AGBL4: variants seen among roughly 807,000 people sequenced by gnomAD.
AGBL4 encodes AGBL carboxypeptidase 4, also known as cytosolic carboxypeptidase 6.
Under a neutral mutation model 66.4 loss-of-function variants are expected in AGBL4, and 58 were observed. The ratio of observed to expected loss-of-function variants is 0.87; its 90% CI spans 0.71 to 1.09. The LOEUF is 1.09. Ranked by LOEUF, AGBL4 falls within the 50% of genes least tolerant of loss-of-function variation. AGBL4 has a pLI of 0.00. For synonymous variants in AGBL4, 234 were observed against 222.9 expected (o/e 1.05, Z -0.44); for missense variants, 579 against 631.0 (o/e 0.92, Z 0.88).
chr1:49,823,756 A>C (rs1645430364), intron 2 of AGBL4, among the ~76,000 whole-genome samples: 1 of 147,402 alleles, frequency 6.8e-6, no homozygotes, highest in South Asian at 2.2e-4. Context: ...AGAAATTTCT[A>C]TTCTTCCATT....
intron 2 of AGBL4, chr1:49,844,655 A>G: frequency 6.4e-7 from 1 of 1,557,578 alleles, no homozygotes; most frequent in Non-Finnish European, 8.7e-7. Context: ...CCTGGAACAG[A>G]GATTAAGGGA....
chr1:49,515,328 CCA>C lies in AGBL4; in HGVS notation c.282+181983_282+181984del, dbSNP rs574147059. 4.3e-3 allele frequency among the ~76,000 whole-genome samples: 656 copies of C among 152,124 alleles called. 7 individuals carry two copies. Among genetic ancestry groups the C allele is most frequent in the African/African-American group, 0.015 (614 of 41,522 alleles). On this transcript the variant is annotated intron_variant, in intron 3 of 13. Coordinates refer to ENST00000371839, the MANE Select transcript of AGBL4 (RefSeq NM_032785.4). ...GCCATCACAGAAATGCAAATCAAAA[CCA>C]CAATGAGATATCATCTCACACTAGT... is the stretch of plus-strand genomic sequence containing the variant.
At chr1:49,165,883 T>A (rs1009298234) in intron 4 of AGBL4, among the ~76,000 whole-genome samples, 1 of 152,032 alleles carries the variant, frequency 6.6e-6, no homozygotes, top group Non-Finnish European at 1.5e-5. Context: ...TTAATAATAA[T>A]AAACTCCTGG....
At chr1:50,002,359 CTTTTTTTTT>C (rs372960346) in intron 1 of AGBL4, among the ~76,000 whole-genome samples, 8 of 96,054 alleles carry the variant, frequency 8.3e-5, no homozygotes, top group South Asian at 6.0e-4. Context: ...TGCCCTAGTT[CTTTTTTTTT>C]TTTTTTTTTT....
chr1:49,817,578 T>C (rs1193831928), intron 2 of AGBL4, among the ~76,000 whole-genome samples: 1 of 152,212 alleles, frequency 6.6e-6, no homozygotes, highest in East Asian at 1.9e-4. Context: ...TAAGTAATAT[T>C]AAGCTATACT....
chr1:49,570,793 C>A (rs1291183579), intron 3 of AGBL4, among the ~76,000 whole-genome samples: 1 of 151,922 alleles, frequency 6.6e-6, no homozygotes, highest in South Asian at 2.1e-4. Context: ...CAGGTTCATT[C>A]TTCTGTCTAT....
intron 1 of AGBL4, among the ~76,000 whole-genome samples, chr1:49,936,849 A>T (rs1017341022): frequency 9.9e-5 from 15 of 152,280 alleles, no homozygotes; most frequent in Middle Eastern, 3.4e-3. Context: ...GCACTAAACA[A>T]GGAAAGGAAC....
At chr1:49,841,240 C>T (rs1284840783) in intron 2 of AGBL4, among the ~76,000 whole-genome samples, 2 of 152,084 alleles carry the variant, frequency 1.3e-5, no homozygotes, top group African/African-American at 4.8e-5. Flanking sequence ...GAACACAATT[C>T]CATTTATTAT....
At chr1:49,493,239 T>A (rs1166589356) in intron 3 of AGBL4, among the ~76,000 whole-genome samples, 1 of 152,020 alleles carries the variant, frequency 6.6e-6, no homozygotes, top group Non-Finnish European at 1.5e-5. Flanking sequence ...ACTTTGTATA[T>A]GTTAATGCTT....
At chr1:49,746,959 A>G (rs1651033046) in intron 2 of AGBL4, among the ~76,000 whole-genome samples, 2 of 152,144 alleles carry the variant, frequency 1.3e-5, no homozygotes, top group African/African-American at 4.8e-5. Context: ...AGGAGCAAGC[A>G]CAATCCCCTG....
intron 6 of AGBL4, among the ~76,000 whole-genome samples, chr1:48,786,181 A>G (rs1645403249): frequency 6.6e-6 from 1 of 152,232 alleles, no homozygotes; most frequent in African/African-American, 2.4e-5. Context: ...AAATCAGAGG[A>G]GAGAAATGAA....
intron 3 of AGBL4, among the ~76,000 whole-genome samples, chr1:49,421,645 AG>A (rs1281275239): frequency 2.0e-5 from 3 of 152,202 alleles, no homozygotes; most frequent in African/African-American, 7.2e-5. Flanking sequence ...ATGTTTATTA[AG>A]CATTTATTAA....
intron 3 of AGBL4, among the ~76,000 whole-genome samples, chr1:49,636,718 T>C (rs1645679446): frequency 1.3e-5 from 2 of 151,890 alleles, no homozygotes; most frequent in African/African-American, 4.8e-5. Flanking sequence ...CAGTGGTTAC[T>C]GACTTGAAAG....
At chr1:49,021,766 A>G (rs1481459355) in intron 5 of AGBL4, among the ~76,000 whole-genome samples, 1 of 152,202 alleles carries the variant, frequency 6.6e-6, no homozygotes, top group Non-Finnish European at 1.5e-5. Context: ...AAGACTCCCA[A>G]TCAGAAAACC....
At chr1:49,097,362 A>G (rs1397287178) in intron 4 of AGBL4, among the ~76,000 whole-genome samples, 1 of 152,192 alleles carries the variant, frequency 6.6e-6, no homozygotes, top group Admixed American at 6.5e-5. Flanking sequence ...GATAATGGTG[A>G]CATTGTTTCT....
intron 3 of AGBL4, among the ~76,000 whole-genome samples, chr1:49,504,921 C>A (rs1332672783): frequency 6.6e-6 from 1 of 151,760 alleles, no homozygotes; most frequent in Non-Finnish European, 1.5e-5. Context: ...TCCTTTGTTT[C>A]TTTATTTCTC....
chr1:48,903,077 A>C (rs1484994267), intron 5 of AGBL4, among the ~76,000 whole-genome samples: 2 of 152,214 alleles, frequency 1.3e-5, no homozygotes. Flanking sequence ...TTATAATGTC[A>C]TCCGGTGCTC....
chr1:49,047,221 T>A (rs1391002870), intron 4 of AGBL4, among the ~76,000 whole-genome samples: 3 of 152,274 alleles, frequency 2.0e-5, no homozygotes, highest in South Asian at 2.1e-4. Context: ...AATTAAATAT[T>A]CTGGTATTTG....
Position 48,681,010 on chromosome 1 carries a change from C to A in AGBL4, c.635-17769G>T, listed in dbSNP as rs183444059. The stretch of plus-strand genomic sequence containing the variant: ...ACAGGTTGCTGGGCCCCACTCCAGA[C>A]CCACTGAATTAGAATCTCTGACACA... On this transcript the variant is annotated intron_variant, in intron 6 of 13. Transcript: ENST00000371839. 2.6e-5 allele frequency among the ~76,000 whole-genome samples: 4 copies of A among 152,242 alleles called. No homozygotes were observed. The East Asian group carries it at 7.7e-4, about 29-fold the overall frequency.
Sources: allele counts gnomAD v4.1 joint callset (sites outside exome capture counted in the v4.1 genomes callset), GRCh38; gene constraint gnomAD v4.1.1; transcripts MANE v1.5; gene names NCBI Gene and HGNC (gene_info 2026-07-23, HGNC 2026-07-21).